Variants in WASHC4 observed in about 807,000 individuals in gnomAD.
WASHC4 encodes the protein WASH complex subunit 7.
Under a neutral mutation model 166.6 loss-of-function variants are expected in WASHC4, and 86 were observed. The ratio of observed to expected loss-of-function variants is 0.52; its 90% CI spans 0.43 to 0.62. The LOEUF is 0.62. WASHC4 is among the 20% of genes least tolerant of loss of function. The pLI is 0.00. For synonymous variants in WASHC4, 446 were observed against 451.6 expected (o/e 0.99, Z 0.16); for missense variants, 1,262 against 1,382.4 (o/e 0.91, Z 1.38).
At chr12:105,153,591 A>G (rs999437356) in intron 26 of WASHC4, among the ~76,000 whole-genome samples, 1 of 152,198 alleles carries the variant, frequency 6.6e-6, no homozygotes, top group Non-Finnish European at 1.5e-5. Flanking sequence ...ATCTGAGGAA[A>G]ACTCCAGGAT....
intron 18 of WASHC4, among the ~76,000 whole-genome samples, chr12:105,142,005 G>A (rs574812455): frequency 2.1e-3 from 155 of 73,604 alleles, no homozygotes; most frequent in Non-Finnish European, 3.0e-3. Flanking sequence ...TTTTTGGGGC[G>A]GGGGGGGTCA....
chr12:105,120,833 A>C (rs1443832190), intron 8 of WASHC4, among the ~76,000 whole-genome samples: 1 of 152,198 alleles, frequency 6.6e-6, no homozygotes, highest in Non-Finnish European at 1.5e-5. Context: ...CAGATTCTCT[A>C]AATGATGTCT....
intron 30 of WASHC4, among the ~76,000 whole-genome samples, chr12:105,163,317 C>T (rs955809558): frequency 1.3e-5 from 2 of 152,200 alleles, no homozygotes; most frequent in Non-Finnish European, 2.9e-5. Context: ...ACATGATTGA[C>T]GATACTTGTT....
At chr12:105,165,568 A>G (rs1884763146) in intron 32 of WASHC4, among the ~76,000 whole-genome samples, 1 of 152,154 alleles carries the variant, frequency 6.6e-6, no homozygotes, top group Non-Finnish European at 1.5e-5. Context: ...CTCGTGCTTC[A>G]TGAAGTTTTC....
chr12:105,145,785 T>G (rs1883240971), intron 22 of WASHC4, among the ~76,000 whole-genome samples: 1 of 152,104 alleles, frequency 6.6e-6, no homozygotes, highest in Non-Finnish European at 1.5e-5. Flanking sequence ...ATGGAACAGT[T>G]TATATGATAC....
intron 31 of WASHC4, 31 bp downstream of exon 31, chr12:105,164,338 T>G (rs749804033): frequency 1.3e-5 from 20 of 1,569,646 alleles, no homozygotes; most frequent in Non-Finnish European, 1.7e-5. Context: ...CACATCTGCT[T>G]TGACTTACCA....
chr12:105,129,172 C>T (rs1881564790), intron 13 of WASHC4, among the ~76,000 whole-genome samples: 1 of 152,126 alleles, frequency 6.6e-6, no homozygotes, highest in South Asian at 2.1e-4. Context: ...TCTCGAACTC[C>T]TGACCTTGTG....
Position 105,160,098 on chromosome 12 carries a change from A to C in WASHC4, c.3010A>C (p.Arg1004=). 1 of 1,613,924 alleles carries C rather than the reference A, an allele frequency of 6.2e-7. No individual in the cohort carries two copies. Among genetic ancestry groups the C allele is most frequent in the Non-Finnish European group, 8.5e-7 (1 of 1,179,790 alleles). The part of the protein sequence containing the change: ...LVDVFAPEFR[R]PKNIHLRNFY... ...AGACGTTTTTGCTCCAGAATTTCGA[A>C]GGCCAAAGAATATACATCTCCGAAA... The change falls in exon 29 of 33, where the codon AGG becomes CGG. Residue 1004 remains arginine, a synonymous_variant. Coordinates refer to ENST00000332180, the MANE Select transcript of WASHC4 (RefSeq NM_015275.3).
intron 13 of WASHC4, among the ~76,000 whole-genome samples, chr12:105,129,535 G>C (rs1487669130): frequency 6.6e-6 from 1 of 152,156 alleles, no homozygotes; most frequent in Non-Finnish European, 1.5e-5. Flanking sequence ...TTATTGGTCA[G>C]ATCATAGCTG....
Position 105,153,649 on chromosome 12 carries a change from G to A in WASHC4, c.2758+1198G>A, listed in dbSNP as rs145962390. On this transcript the variant is annotated intron_variant, in intron 26 of 32. Transcript: ENST00000332180. ...ATATGACATACGTACACAATTTTGT[G>A]TATGATATGCTAGAGTCCATGTGCT... 3.3e-3 allele frequency among the ~76,000 whole-genome samples: 497 copies of A among 152,256 alleles called. 2 individuals carry two copies. The highest frequency in any genetic ancestry group is 0.011 in the African/African-American group (459 of 41,550).
At chr12:105,114,721 T>A (rs560556455) in intron 4 of WASHC4, among the ~76,000 whole-genome samples, 2 of 152,064 alleles carry the variant, frequency 1.3e-5, no homozygotes, top group South Asian at 4.1e-4. Context: ...AGTTTGAATC[T>A]AGGTTTACAA....
rs1880816611 is a variant in WASHC4, at chr12:105,122,181, A to C, written c.729A>C (p.Pro243=). 6.2e-7 allele frequency: 1 copy of C among 1,612,040 alleles called. No individual in the cohort carries two copies. Among genetic ancestry groups the C allele is most frequent in the African/African-American group, 1.3e-5 (1 of 74,874 alleles). ...KFGIQEEKLK[P]FEKFLLKLEG... ...GAATTCAGGAAGAAAAATTAAAGCC[A>C]TTTGAAAAGTTCTTGCTGAAGCTAG... is the stretch of plus-strand genomic sequence containing the variant. Residue 243 remains proline, a synonymous_variant, in exon 10 of 33, where the codon CCA becomes CCC. Transcript: ENST00000332180.
At chr12:105,142,406 T>C in intron 18 of WASHC4, 47 bp from the exon 19 acceptor site, 1 of 1,059,296 alleles carries the variant, frequency 9.4e-7, no homozygotes, top group Non-Finnish European at 1.5e-6. Flanking sequence ...CATATTGTTT[T>C]GGGATTCTTC....
Position 105,160,086 on chromosome 12 carries a change from C to T in WASHC4, c.2998C>T (p.Pro1000Ser), listed in dbSNP as rs1388078856. Residue 1000 changes from proline to serine, a missense_variant, in exon 29 of 33, where the codon CCA (proline) becomes TCA (serine). Transcript: ENST00000332180. The stretch of plus-strand genomic sequence containing the variant: ...CAAAATGCTTGTAGACGTTTTTGCT[C>T]CAGAATTTCGAAGGCCAAAGAATAT... ...YFKMLVDVFA[P>S]EFRRPKNIHL... 1 of 1,613,694 alleles carries T rather than the reference C, an allele frequency of 6.2e-7. No homozygotes were observed. Among genetic ancestry groups the T allele is most frequent in the Non-Finnish European group, 8.5e-7 (1 of 1,179,636 alleles).
Position 105,162,861 on chromosome 12 carries a change from T to A in WASHC4, c.3157+16T>A, listed in dbSNP as rs779117828. 7.3e-7 allele frequency: 1 copy of A among 1,365,276 alleles called. No individual in the cohort carries two copies. Among genetic ancestry groups the A allele is most frequent in the Non-Finnish European group, 1.0e-6 (1 of 964,434 alleles). The allele number at this position is 1,365,276 out of a possible 1,614,324, so 84.6% of individuals were successfully genotyped here. ...TTTGCCATGGGTAAGCTTAATGGAA[T>A]TGTTTTTCCATTAATTTTATATTGA... On this transcript the variant is annotated intron_variant, in intron 30 of 32. Coordinates refer to ENST00000332180, the MANE Select transcript of WASHC4 (RefSeq NM_015275.3).
intron 10 of WASHC4, among the ~76,000 whole-genome samples, chr12:105,123,279 A>G (rs1880955536): frequency 1.3e-5 from 2 of 151,982 alleles, no homozygotes; most frequent in Admixed American, 1.3e-4. Context: ...ACGCCATTGC[A>G]CTCCAGCTTG....
intron 10 of WASHC4, among the ~76,000 whole-genome samples, chr12:105,123,981 G>A (rs1439714132): frequency 6.6e-6 from 1 of 152,110 alleles, no homozygotes; most frequent in Non-Finnish European, 1.5e-5. Context: ...AAGACCCTTG[G>A]CCAGCAAAAA....
chr12:105,141,517 G>A (rs1882849775), intron 18 of WASHC4, among the ~76,000 whole-genome samples: 1 of 152,176 alleles, frequency 6.6e-6, no homozygotes, highest in Non-Finnish European at 1.5e-5. Flanking sequence ...TGCATATCGT[G>A]ATTATTATGT....
chr12:105,154,365 A>C (rs1883991156), intron 26 of WASHC4, among the ~76,000 whole-genome samples: 1 of 152,078 alleles, frequency 6.6e-6, no homozygotes, highest in Non-Finnish European at 1.5e-5. Flanking sequence ...AAAACACTGT[A>C]ATGTGCTTTT....
Sources: allele counts gnomAD v4.1 joint callset (sites outside exome capture counted in the v4.1 genomes callset), GRCh38; gene constraint gnomAD v4.1.1; transcripts MANE v1.5; gene names NCBI Gene and HGNC (gene_info 2026-07-23, HGNC 2026-07-21).